ABCG2: variants seen among roughly 807,000 people sequenced by gnomAD.
ABCG2 encodes the protein ATP binding cassette subfamily G member 2 (JR blood group), also known as broad substrate specificity ATP-binding cassette transporter ABCG2.
In ABCG2, 80 loss-of-function variants were observed where a neutral mutation model predicts 73.5. The ratio of observed to expected loss-of-function variants is 1.09; its 90% CI spans 0.91 to 1.31. ABCG2 has a LOEUF of 1.31. Ranked by LOEUF, ABCG2 falls within the 50% of genes most tolerant of loss-of-function variation. The pLI is 0.00. For synonymous variants in ABCG2, 269 were observed against 282.4 expected (o/e 0.95, Z 0.48); for missense variants, 796 against 786.2 (o/e 1.01, Z -0.15).
At chr4:88,142,717 C>G (rs1357378424) in intron 1 of ABCG2, among the ~76,000 whole-genome samples, 2 of 152,090 alleles carry the variant, frequency 1.3e-5, no homozygotes, top group Non-Finnish European at 2.9e-5. Context: ...GAGGTCAAGG[C>G]AGGCAGATCA....
chr4:88,118,203 G>C lies in ABCG2; in HGVS notation c.747C>G (p.Ile249Met), dbSNP rs1258270212. The change falls in exon 7 of 16, where the codon ATC becomes ATG. Residue 249 changes from isoleucine to methionine, a missense_variant. Ile to Met is a conservative substitution (Grantham distance 10). Coordinates refer to ENST00000237612, the MANE Select transcript of ABCG2 (RefSeq NM_004827.3). ...IFSIHQPRYS[I>M]FKLFDSLTLL... ...AGGTGAGGCTATCAAACAACTTGAA[G>C]ATGGAATATCGAGGCTGATGAATGG... is the stretch of plus-strand genomic sequence containing the variant. The C allele has an allele frequency of 6.2e-7, 1 of 1,614,140 alleles. No homozygotes were observed. The highest frequency in any genetic ancestry group is 1.1e-5 in the South Asian group (1 of 91,080).
intron 1 of ABCG2, among the ~76,000 whole-genome samples, chr4:88,196,938 C>T (rs1430701149): frequency 6.6e-6 from 1 of 151,994 alleles, no homozygotes; most frequent in Non-Finnish European, 1.5e-5. Flanking sequence ...TTTATGGGCA[C>T]TTAAATGACC....
At chr4:88,135,281 T>C (rs1257797960) in intron 2 of ABCG2, among the ~76,000 whole-genome samples, 1 of 152,078 alleles carries the variant, frequency 6.6e-6, no homozygotes, top group East Asian at 1.9e-4. Flanking sequence ...TCCCTCACTA[T>C]AAAAGTCTGT....
chr4:88,224,866 G>A lies in ABCG2; in HGVS notation c.-20+6128C>T, dbSNP rs188765095. On this transcript the variant is annotated intron_variant, in intron 1 of 15. Transcript: ENST00000515655. ...TGTGTCTTTGATAATTTTTGTATAG[G>A]GTGTAAGGTAAGGGTCCAATGTTAT... is the stretch of plus-strand genomic sequence containing the variant. Among the ~76,000 whole-genome samples the A allele has an allele frequency of 5.1e-3, 782 of 152,148 alleles. 5 individuals carry two copies. Among genetic ancestry groups the A allele is most frequent in the Middle Eastern group, 0.01 (3 of 294 alleles).
chr4:88,140,109 T>C (rs1725526978), intron 1 of ABCG2, 95 bp from the exon 2 acceptor site: 1 of 1,026,718 alleles, frequency 9.7e-7, no homozygotes, highest in Non-Finnish European at 1.4e-6. Flanking sequence ...CATTTTTAAA[T>C]GTGCGGCAAT....
chr4:88,136,027 G>A (rs996918874), intron 2 of ABCG2, among the ~76,000 whole-genome samples: 2 of 152,102 alleles, frequency 1.3e-5, no homozygotes, highest in Admixed American at 6.5e-5. Flanking sequence ...AGAATCTTGA[G>A]GGTTCAGATG....
At chr4:88,093,709 A>T (rs1233071231) in intron 15 of ABCG2, among the ~76,000 whole-genome samples, 1 of 152,158 alleles carries the variant, frequency 6.6e-6, no homozygotes, top group Non-Finnish European at 1.5e-5. Context: ...CCTGTGGACA[A>T]TTCAAAAGAG....
chr4:88,168,117 GCCAGAACAC>G, intron 1 of ABCG2, among the ~76,000 whole-genome samples: 1 of 152,242 alleles, frequency 6.6e-6, no homozygotes, highest in Non-Finnish European at 1.5e-5. Context: ...AGATGCTGGA[GCCAGAACAC>G]CTTGGTTCAT....
chr4:88,124,840 G>A (rs959297039), intron 5 of ABCG2, among the ~76,000 whole-genome samples: 3 of 152,100 alleles, frequency 2.0e-5, no homozygotes, highest in African/African-American at 7.2e-5. Context: ...CTACCCCAAA[G>A]CAATAGAATA....
intron 9 of ABCG2, among the ~76,000 whole-genome samples, chr4:88,109,361 T>C (rs1374954548): frequency 1.3e-5 from 2 of 152,252 alleles, no homozygotes. Context: ...TGTTATCTTA[T>C]ACTAACACTG....
At chr4:88,153,513 C>A in intron 1 of ABCG2, among the ~76,000 whole-genome samples, 1 of 138,108 alleles carries the variant, frequency 7.2e-6, no homozygotes, top group Admixed American at 7.7e-5. Flanking sequence ...GACCAGTAGT[C>A]CGTTCTACCT....
chr4:88,163,296 T>C (rs1039042892), upstream of ABCG2, among the ~76,000 whole-genome samples: 3 of 152,166 alleles, frequency 2.0e-5, no homozygotes, highest in African/African-American at 7.2e-5. Context: ...GGAAACAGTT[T>C]AAAACTCTTC....
intron 1 of ABCG2, among the ~76,000 whole-genome samples, chr4:88,178,630 T>C (rs1423552135): frequency 6.6e-6 from 1 of 152,146 alleles, no homozygotes; most frequent in Non-Finnish European, 1.5e-5. Context: ...GGTCCCTGAT[T>C]CCAGGCCTTG....
At chr4:88,222,497 C>T (rs1720468649) in intron 1 of ABCG2, among the ~76,000 whole-genome samples, 1 of 152,196 alleles carries the variant, frequency 6.6e-6, no homozygotes, top group South Asian at 2.1e-4. Flanking sequence ...CCTGCACAAG[C>T]TCTCTCTTTG....
intron 1 of ABCG2, among the ~76,000 whole-genome samples, chr4:88,144,378 G>C (rs558435105): frequency 6.0e-5 from 9 of 151,218 alleles, no homozygotes; most frequent in Non-Finnish European, 1.2e-4. Flanking sequence ...TGCCTCTTTC[G>C]TGCTGGTCTA....
chr4:88,158,724 A>T, upstream of ABCG2: 1 of 426,038 alleles, frequency 2.3e-6, no homozygotes, highest in Non-Finnish European at 4.7e-6. Flanking sequence ...CCCCAACCAC[A>T]CCCGGCGCGC....
intron 1 of ABCG2, among the ~76,000 whole-genome samples, chr4:88,167,938 A>C (rs1727604543): frequency 6.6e-6 from 1 of 152,154 alleles, no homozygotes; most frequent in Non-Finnish European, 1.5e-5. Flanking sequence ...GATGATCATC[A>C]AAATAAACAG....
At position 88,147,858 on chromosome 4, in the gene ABCG2, C is replaced by G. The variant is rs1726159860; in HGVS notation, c.-19-7844G>C. ...AATTTGTGAAAGGTAAGCACAAATC[C>G]GAAGCAAACCTATCTAAGAACGCAG... On this transcript the variant is annotated intron_variant, in intron 1 of 15. Coordinates refer to ENST00000237612, the MANE Select transcript of ABCG2 (RefSeq NM_004827.3). Among the ~76,000 whole-genome samples, 4 of 152,204 alleles carry G rather than the reference C, an allele frequency of 2.6e-5. No homozygotes were observed. In the South Asian group the frequency reaches 8.3e-4, roughly 32 times the overall value.
rs149989471 is a variant in ABCG2 at position 88,121,001 on chromosome 4, A to G, written c.689+634T>C. Among the ~76,000 whole-genome samples the G allele has an allele frequency of 1.4e-3, 217 of 152,336 alleles. 1 individual carries two copies. The highest frequency in any genetic ancestry group is 4.8e-3 in the African/African-American group (198 of 41,574). On this transcript the variant is annotated intron_variant, in intron 6 of 15. Transcript: ENST00000237612. ...AAAATCACTGTTCAAAACTGTTACT[A>G]TTCAAAATATTTTATGTGAAGAGTC...
Sources: allele counts gnomAD v4.1 joint callset (sites outside exome capture counted in the v4.1 genomes callset), GRCh38; gene constraint gnomAD v4.1.1; transcripts MANE v1.5; gene names NCBI Gene and HGNC (gene_info 2026-07-23, HGNC 2026-07-21).